The following CHST15 variants were observed in gnomAD, a reference collection of about 807,000 sequenced individuals.
CHST15 encodes the protein carbohydrate sulfotransferase 15.
CHST15 carries 30 observed loss-of-function variants against 53.6 expected under a neutral mutation model. The observed-to-expected ratio is 0.56, with a 90% CI of 0.42 to 0.76. CHST15 has a LOEUF of 0.76. Among genes scored for constraint, CHST15 ranks in the 30% least tolerant of loss-of-function variants. The pLI is 0.00. For synonymous variants in CHST15, 296 were observed against 289.8 expected, an observed-to-expected ratio of 1.02 and a Z score of -0.22; for missense variants, 627 against 740.5, an observed-to-expected ratio of 0.85 and a Z score of 1.78.
At chr10:124,012,269 G>C in intron 7 of CHST15, 64 bp downstream of exon 7, 1 of 1,557,222 alleles carries the variant, frequency 6.4e-7, no homozygotes, top group Non-Finnish European at 8.7e-7. Flanking sequence ...TGCCCCAGAG[G>C]ACTCCCAGAA....
At chr10:124,026,204 C>T (rs1035199451) in intron 5 of CHST15, among the ~76,000 whole-genome samples, 19 of 152,186 alleles carry the variant, frequency 1.2e-4, no homozygotes, top group African/African-American at 4.6e-4. Flanking sequence ...CAAATGCGGA[C>T]AGGAGCACTT....
rs565445613 is a variant in CHST15, at chr10:124,090,585, T to A, written c.-513+2884A>T. Among the ~76,000 whole-genome samples the A allele has an allele frequency of 3.9e-5, 6 of 152,356 alleles. No homozygotes were observed. In the East Asian group the frequency reaches 1.2e-3, roughly 29 times the overall value. The stretch of plus-strand genomic sequence containing the variant: ...CCAACCTTTCCCCAAACACTTCTTC[T>A]TGATGCAGGAATTAATCTTCTCTCT... On this transcript the variant is annotated intron_variant, in intron 1 of 7. Coordinates refer to ENST00000435907, the MANE Select transcript of CHST15 (RefSeq NM_001270764.2).
intron 1 of CHST15, among the ~76,000 whole-genome samples, chr10:124,078,335 C>T (rs1464566686): frequency 1.3e-5 from 2 of 152,232 alleles, no homozygotes; most frequent in East Asian, 3.8e-4. Context: ...CTCCTCTGAA[C>T]TCAGTTCTTA....
chr10:124,041,917 G>C (rs1232505487), intron 4 of CHST15, among the ~76,000 whole-genome samples: 2 of 152,162 alleles, frequency 1.3e-5, no homozygotes, highest in Non-Finnish European at 2.9e-5. Context: ...GCCCCAAGCA[G>C]CAAATCGATG....
At chr10:124,056,290 G>T (rs988738247) in intron 1 of CHST15, among the ~76,000 whole-genome samples, 1 of 152,204 alleles carries the variant, frequency 6.6e-6, no homozygotes, top group Non-Finnish European at 1.5e-5. Flanking sequence ...AGAGACACAG[G>T]ACAGGAAGGT....
intron 1 of CHST15, among the ~76,000 whole-genome samples, chr10:124,065,120 T>C (rs1389208904): frequency 2.0e-5 from 3 of 152,198 alleles, no homozygotes; most frequent in African/African-American, 7.2e-5. Flanking sequence ...GCGGTGGCTC[T>C]TGCCTGTAAT....
At position 124,009,542 on chromosome 10, in the gene CHST15, A is replaced by G. The variant is rs1946354735; in HGVS notation, c.*607T>C. 1 of 946,932 alleles carries G rather than the reference A, an allele frequency of 1.1e-6. No homozygotes were observed. Among genetic ancestry groups the G allele is most frequent in the South Asian group, 4.8e-5 (1 of 20,726 alleles). 58.7% of individuals were successfully genotyped at this position (946,932 alleles called of 1,614,324 possible). A position where few individuals can be genotyped will look rare whatever the true frequency, so the allele number is the denominator to read the frequency against. On this transcript the variant is annotated 3_prime_UTR_variant, in exon 8 of 8. Transcript: ENST00000435907. Reference sequence around the variant, plus strand: ...GAGGGCTGAGTTTGGAGTAAAGGAGAAAAAAAAAATGAAGAGCCTCCATTC... The same window carrying G: ...GAGGGCTGAGTTTGGAGTAAAGGAGGAAAAAAAAATGAAGAGCCTCCATTC...
chr10:124,022,949 T>A (rs2133872528), intron 5 of CHST15, among the ~76,000 whole-genome samples: 1 of 152,002 alleles, frequency 6.6e-6, no homozygotes, highest in South Asian at 2.1e-4. Flanking sequence ...CCCGAGTAGT[T>A]GGGACTACAG....
intron 4 of CHST15, among the ~76,000 whole-genome samples, chr10:124,041,892 C>A (rs548468606): frequency 1.6e-4 from 25 of 152,242 alleles, no homozygotes; most frequent in Non-Finnish European, 3.7e-4. Context: ...GTCCCAGTGG[C>A]CAGGGATTAC....
rs80276729 is a variant in CHST15, at chr10:124,020,867, G to A, written c.1347+389C>T. 1.1e-3 allele frequency: 1,373 copies of A among 1,258,944 alleles called. 15 individuals are homozygous for A. The African/African-American group carries it at 0.019, about 18-fold the overall frequency. 78.0% of individuals were successfully genotyped at this position (1,258,944 alleles called of 1,614,324 possible). On this transcript the variant is annotated intron_variant, in intron 6 of 7. Coordinates refer to ENST00000435907, the MANE Select transcript of CHST15 (RefSeq NM_001270764.2). ...AAAGAAGCATTGAAAATCATTGATGGGTAGTTTTTTAAACCAACAAAACAA... is the reference window on the plus strand; with the variant it reads ...AAAGAAGCATTGAAAATCATTGATGAGTAGTTTTTTAAACCAACAAAACAA...
intron 5 of CHST15, among the ~76,000 whole-genome samples, chr10:124,021,910 T>C (rs947839722): frequency 1.3e-5 from 2 of 151,900 alleles, no homozygotes; most frequent in African/African-American, 4.8e-5. Context: ...GAAAAAAAAA[T>C]GATGAGATGT....
At chr10:124,057,399 C>T (rs908055252) in intron 1 of CHST15, among the ~76,000 whole-genome samples, 2 of 152,190 alleles carry the variant, frequency 1.3e-5, no homozygotes, top group Admixed American at 1.3e-4. Flanking sequence ...TAGTGGCCCA[C>T]GCACTTTTGC....
intron 1 of CHST15, among the ~76,000 whole-genome samples, chr10:124,064,529 C>T (rs146128826): frequency 7.2e-5 from 11 of 152,250 alleles, no homozygotes; most frequent in African/African-American, 2.2e-4. Flanking sequence ...GGAGACACCA[C>T]GAGATCATGA....
chr10:124,063,584 A>T (rs1247400133), intron 1 of CHST15, among the ~76,000 whole-genome samples: 2 of 152,184 alleles, frequency 1.3e-5, no homozygotes, highest in Non-Finnish European at 2.9e-5. Flanking sequence ...ATCAAAAATG[A>T]ATCTTTTTCT....
intron 1 of CHST15, among the ~76,000 whole-genome samples, chr10:124,067,332 G>A (rs1209427813): frequency 6.6e-6 from 1 of 152,202 alleles, no homozygotes; most frequent in Non-Finnish European, 1.5e-5. Context: ...CAGTGCAGGT[G>A]CACTTCTGTC....
At position 124,024,369 on chromosome 10, in the gene CHST15, A is replaced by G. The variant is rs1946912594; in HGVS notation, c.1191-2957T>C. 2.0e-5 allele frequency among the ~76,000 whole-genome samples: 3 copies of G among 152,142 alleles called. No individual in the cohort carries two copies. The highest frequency in any genetic ancestry group is 2.0e-4 in the Admixed American group (3 of 15,276). On this transcript the variant is annotated intron_variant, in intron 5 of 7. Transcript: ENST00000435907. The surrounding 1 kb of genome is among the most constrained non-coding windows in gnomAD (Gnocchi z 4.0). The stretch of plus-strand genomic sequence containing the variant: ...GGTGCCTCTGACACAGCCCTCTAGA[A>G]TTCATCCACGGCCAATGTCCACAGA...
intron 1 of CHST15, among the ~76,000 whole-genome samples, chr10:124,077,434 A>C (rs1949112546): frequency 6.6e-6 from 1 of 152,232 alleles, no homozygotes; most frequent in Admixed American, 6.5e-5. Flanking sequence ...ATTCATCCCC[A>C]GAGTCCAGAC....
At chr10:124,048,977 G>A (rs1365228435) in intron 1 of CHST15, among the ~76,000 whole-genome samples, 1 of 152,172 alleles carries the variant, frequency 6.6e-6, no homozygotes, top group African/African-American at 2.4e-5. Flanking sequence ...CATGTCTGCG[G>A]GGCAGCTGCC....
intron 1 of CHST15, among the ~76,000 whole-genome samples, chr10:124,078,434 C>T (rs1364261740): frequency 6.6e-6 from 1 of 152,212 alleles, no homozygotes; most frequent in Non-Finnish European, 1.5e-5. Flanking sequence ...CTAAAGCATA[C>T]TAAATACTCA....
Sources: gnomAD v4.1 joint callset for allele counts (sites outside exome capture counted in the v4.1 genomes callset) on GRCh38, gnomAD v4.1.1 for gene constraint, Gnocchi (gnomAD v3.1) non-coding constraint, MANE v1.5 for transcripts, NCBI Gene and HGNC (gene_info 2026-07-23, HGNC 2026-07-21) for gene names.